The following COG5 variants were observed in gnomAD, a reference collection of about 807,000 sequenced individuals.
COG5 encodes the protein conserved oligomeric Golgi complex subunit 5.
A neutral mutation model predicts 110.4 loss-of-function variants in COG5; 86 were observed. That is an observed-to-expected ratio of 0.78 (90% CI 0.65 to 0.93). The LOEUF is 0.93. Ranked by LOEUF, COG5 falls within the 40% of genes least tolerant of loss-of-function variation. COG5 has a pLI of 0.00. For synonymous variants in COG5, 360 were observed against 334.6 expected (o/e 1.08, Z -0.83); for missense variants, 1,077 against 987.0 (o/e 1.09, Z -1.22).
At position 107,477,148 on chromosome 7, in the gene COG5, C is replaced by A. The variant is rs189041638; in HGVS notation, c.538+50089G>T. ...GGCACAAAAGGATTAAGAAAATTTT[C>A]GTTTAGTAAATACATTTGGCACAGA... On this transcript the variant is annotated intron_variant, in intron 6 of 21. Transcript: ENST00000297135. 4.4e-3 allele frequency among the ~76,000 whole-genome samples: 661 copies of A among 151,676 alleles called. 5 individuals are homozygous for A. Among genetic ancestry groups the A allele is most frequent in the African/African-American group, 0.015 (622 of 41,518 alleles).
intron 10 of COG5, among the ~76,000 whole-genome samples, chr7:107,348,069 T>G (rs530517073): frequency 7.5e-6 from 1 of 133,208 alleles, no homozygotes; most frequent in African/African-American, 2.9e-5. Flanking sequence ...GAAGTTGCAG[T>G]GACCCGAGAC....
At chr7:107,265,320 C>T (rs894976882) in intron 14 of COG5, among the ~76,000 whole-genome samples, 5 of 152,264 alleles carry the variant, frequency 3.3e-5, no homozygotes, top group Non-Finnish European at 5.9e-5. Flanking sequence ...CCCTCTGTCA[C>T]GCAGGCTGAA....
intron 17 of COG5, among the ~76,000 whole-genome samples, chr7:107,237,327 A>C (rs1475476310): frequency 6.6e-6 from 1 of 152,238 alleles, no homozygotes; most frequent in Admixed American, 6.5e-5. Flanking sequence ...TTTATAATTT[A>C]TAAATGTTTA....
intron 16 of COG5, among the ~76,000 whole-genome samples, chr7:107,249,391 T>C (rs1356130769): frequency 6.6e-6 from 1 of 152,142 alleles, no homozygotes; most frequent in East Asian, 1.9e-4. Context: ...ATGTTGATAG[T>C]GCCATGGTTG....
At chr7:107,382,556 G>A (rs1409031967) in intron 7 of COG5, among the ~76,000 whole-genome samples, 2 of 152,090 alleles carry the variant, frequency 1.3e-5, no homozygotes, top group Non-Finnish European at 2.9e-5. Context: ...CTCTGCCTCA[G>A]CCTTCCCAGT....
At chr7:107,265,777 G>C (rs1803747581) in intron 14 of COG5, among the ~76,000 whole-genome samples, 1 of 152,114 alleles carries the variant, frequency 6.6e-6, no homozygotes, top group Non-Finnish European at 1.5e-5. Context: ...TGTATAGGCT[G>C]GGCATGGTGG....
At chr7:107,555,110 C>A (rs1051422910) in intron 2 of COG5, among the ~76,000 whole-genome samples, 8 of 152,214 alleles carry the variant, frequency 5.3e-5, no homozygotes, top group Non-Finnish European at 1.2e-4. Flanking sequence ...CTCACCTATA[C>A]CTGAACATCT....
chr7:107,328,204 C>T (rs1208716523), intron 10 of COG5, among the ~76,000 whole-genome samples: 2 of 152,176 alleles, frequency 1.3e-5, no homozygotes, highest in African/African-American at 4.8e-5. Flanking sequence ...ACTACACAAG[C>T]AGGCTTTATG....
chr7:107,425,041 A>G (rs1213306980), intron 6 of COG5, among the ~76,000 whole-genome samples: 1 of 152,190 alleles, frequency 6.6e-6, no homozygotes, highest in African/African-American at 2.4e-5. Flanking sequence ...AACATCCAAA[A>G]GAAGAATATA....
intron 5 of COG5, among the ~76,000 whole-genome samples, chr7:107,528,108 TG>T: frequency 6.6e-6 from 1 of 151,996 alleles, no homozygotes; most frequent in South Asian, 2.1e-4. Context: ...TTTTTTTTTT[TG>T]AGAACAGGGT....
chr7:107,440,668 T>C (rs749622988), intron 6 of COG5, among the ~76,000 whole-genome samples: 14 of 151,932 alleles, frequency 9.2e-5, no homozygotes, highest in Admixed American at 6.6e-5. Context: ...GAAAACTGAG[T>C]CAATCACCAA....
At chr7:107,333,827 A>G (rs1584691315) in intron 10 of COG5, among the ~76,000 whole-genome samples, 1 of 152,188 alleles carries the variant, frequency 6.6e-6, no homozygotes, top group African/African-American at 2.4e-5. Context: ...CATAGAGTAA[A>G]AAGTAAAAGT....
intron 8 of COG5, among the ~76,000 whole-genome samples, chr7:107,364,274 G>A (rs2129047040): frequency 6.6e-6 from 1 of 152,204 alleles, no homozygotes; most frequent in African/African-American, 2.4e-5. Context: ...AAATGTTAAT[G>A]CCATTAACAA....
At position 107,203,384 on chromosome 7, in the gene COG5, G is replaced by T; in HGVS notation, c.*132C>A. On this transcript the variant is annotated 3_prime_UTR_variant, in exon 22 of 22. Coordinates refer to ENST00000297135, the MANE Select transcript of COG5 (RefSeq NM_006348.5). The stretch of plus-strand genomic sequence containing the variant: ...ATAAGTGCTAAAGAGGTAAATAAAC[G>T]TCGATAGGAAATACCGAACAATCAA... 1 of 724,288 alleles carries T rather than the reference G, an allele frequency of 1.4e-6. No individual in the cohort carries two copies. The highest frequency in any genetic ancestry group is 2.5e-6 in the Non-Finnish European group (1 of 400,940). The allele number at this position is 724,288 out of a possible 1,614,324, so 44.9% of individuals were successfully genotyped here. A position where few individuals can be genotyped will look rare whatever the true frequency, so the allele number is the denominator to read the frequency against.
chr7:107,412,307 A>C (rs932864031), intron 7 of COG5, among the ~76,000 whole-genome samples, 195 bp downstream of exon 7: 7 of 151,968 alleles, frequency 4.6e-5, no homozygotes, highest in African/African-American at 1.7e-4. Flanking sequence ...CATTAGGTCT[A>C]TTTTTAAATT....
At chr7:107,473,610 A>T (rs1796779728) in intron 6 of COG5, among the ~76,000 whole-genome samples, 1 of 151,830 alleles carries the variant, frequency 6.6e-6, no homozygotes, top group Non-Finnish European at 1.5e-5. Flanking sequence ...TTACACCTAC[A>T]CTCATTATGC....
At chr7:107,412,256 T>A (rs1792354663) in intron 7 of COG5, among the ~76,000 whole-genome samples, 1 of 152,120 alleles carries the variant, frequency 6.6e-6, no homozygotes, top group South Asian at 2.1e-4. Context: ...ATGCACATCA[T>A]AAAAAATACA....
intron 6 of COG5, among the ~76,000 whole-genome samples, chr7:107,423,414 A>T (rs1346368959): frequency 6.6e-6 from 1 of 152,208 alleles, no homozygotes; most frequent in Non-Finnish European, 1.5e-5. Context: ...AGATTATCTG[A>T]GTTGATCTAG....
intron 12 of COG5, among the ~76,000 whole-genome samples, chr7:107,288,939 T>C (rs1487028082): frequency 8.5e-6 from 1 of 117,632 alleles, no homozygotes; most frequent in African/African-American, 4.1e-5. Context: ...TATATATATA[T>C]ATATATATAT....
Sources: allele counts gnomAD v4.1 joint callset (sites outside exome capture counted in the v4.1 genomes callset), GRCh38; gene constraint gnomAD v4.1.1; transcripts MANE v1.5; gene names NCBI Gene and HGNC (gene_info 2026-07-23, HGNC 2026-07-21).